The following XPNPEP1 variants were observed in gnomAD, a reference collection of about 807,000 sequenced individuals.
The protein encoded by XPNPEP1 is xaa-Pro aminopeptidase 1.
In XPNPEP1, 39 loss-of-function variants were observed where a neutral mutation model predicts 92.4. The ratio of observed to expected loss-of-function variants is 0.42; its 90% CI spans 0.33 to 0.55. The LOEUF (loss-of-function observed/expected upper bound fraction) is 0.55, where lower values mean the gene tolerates loss of function less well. XPNPEP1 is among the 20% of genes least tolerant of loss of function. The pLI is 0.08. For missense variants in XPNPEP1, 654 were observed against 856.1 expected (o/e 0.76, Z 2.95); for synonymous variants, 307 against 299.4 (o/e 1.03, Z -0.26).
chr10:109,879,609 T>C (rs1293282559), intron 12 of XPNPEP1, among the ~76,000 whole-genome samples: 4 of 152,036 alleles, frequency 2.6e-5, no homozygotes, highest in Non-Finnish European at 5.9e-5. Context: ...ATAATTTACA[T>C]AGATGAACAA....
chr10:109,871,594 C>G (rs926395979), intron 17 of XPNPEP1, among the ~76,000 whole-genome samples, 198 bp downstream of exon 17: 3 of 152,162 alleles, frequency 2.0e-5, no homozygotes, highest in African/African-American at 7.2e-5. Context: ...GTACTGGGCC[C>G]AATCCTAACC....
rs1199565179 is a variant in XPNPEP1, at chr10:109,923,506, A to C, written c.-73T>G. 2 of 1,240,898 alleles carry C rather than the reference A, an allele frequency of 1.6e-6. No homozygotes were observed. The highest frequency in any genetic ancestry group is 2.0e-6 in the Non-Finnish European group (2 of 989,534). The allele number at this position is 1,240,898 out of a possible 1,614,324, so 76.9% of individuals were successfully genotyped here. On this transcript the variant is annotated 5_prime_UTR_variant, in exon 1 of 21. Coordinates refer to ENST00000502935, the MANE Select transcript of XPNPEP1 (RefSeq NM_020383.4). ...GATCACCCGCGGAAGGGCCGGCGCGAAGGAGGCGCGAGAGCCGGCGGGCGG... is the reference window on the plus strand; with the variant it reads ...GATCACCCGCGGAAGGGCCGGCGCGCAGGAGGCGCGAGAGCCGGCGGGCGG...
In XPNPEP1 at chr10:109,864,864, G is replaced by T; in HGVS notation, c.*320C>A. ...CTAGCACCTGGAACATGACCATCAT[G>T]GAGCACTCACTGATTCCCCATCACT... On this transcript the variant is annotated 3_prime_UTR_variant, in exon 21 of 21. Coordinates refer to ENST00000502935, the MANE Select transcript of XPNPEP1 (RefSeq NM_020383.4). The T allele has an allele frequency of 2.8e-6, 1 of 359,774 alleles. No individual in the cohort carries two copies. 22.3% of individuals were successfully genotyped at this position (359,774 alleles called of 1,614,324 possible).
intron 4 of XPNPEP1, 27 bp from the exon 5 acceptor site, chr10:109,891,853 A>AG (rs1564771033): frequency 6.2e-7 from 1 of 1,607,502 alleles, no homozygotes; most frequent in Admixed American, 1.7e-5. Context: ...AAAAAAAAGA[A>AG]GAAGAAAGGT....
chr10:109,891,657 A>C lies in XPNPEP1; in HGVS notation c.415+65T>G, dbSNP rs1006921278. ...AAAGGATTAAGATCCAGGAGTCCTGAGGACCTCTAGGATCCCTGCCCAGAT... is the reference window on the plus strand; with the variant it reads ...AAAGGATTAAGATCCAGGAGTCCTGCGGACCTCTAGGATCCCTGCCCAGAT... On this transcript the variant is annotated intron_variant, in intron 5 of 20. Coordinates refer to ENST00000502935, the MANE Select transcript of XPNPEP1 (RefSeq NM_020383.4). 5.4e-6 allele frequency: 7 copies of C among 1,298,834 alleles called. No individual in the cohort carries two copies. The African/African-American group carries it at 1.1e-4, about 20-fold the overall frequency. The allele number at this position is 1,298,834 out of a possible 1,614,324, so 80.5% of individuals were successfully genotyped here. A position where few individuals can be genotyped will look rare whatever the true frequency, so the allele number is the denominator to read the frequency against.
chr10:109,903,722 T>C (rs911049658), intron 3 of XPNPEP1, among the ~76,000 whole-genome samples: 1 of 151,916 alleles, frequency 6.6e-6, no homozygotes, highest in East Asian at 1.9e-4. Flanking sequence ...AATGGGGGAG[T>C]GCCCAGCTCC....
chr10:109,865,927 C>G (rs558354915), intron 20 of XPNPEP1, among the ~76,000 whole-genome samples: 4 of 152,198 alleles, frequency 2.6e-5, no homozygotes, highest in African/African-American at 9.7e-5. Flanking sequence ...AAAGGAAGGA[C>G]CTGCTGGCAG....
At chr10:109,911,016 A>G (rs1254307325) in intron 2 of XPNPEP1, among the ~76,000 whole-genome samples, 1 of 152,198 alleles carries the variant, frequency 6.6e-6, no homozygotes, top group Non-Finnish European at 1.5e-5. Flanking sequence ...CATCACCAGC[A>G]CCTTAGGCTT....
chr10:109,901,678 T>C (rs188017985), intron 3 of XPNPEP1, among the ~76,000 whole-genome samples: 14 of 152,362 alleles, frequency 9.2e-5, no homozygotes, highest in Admixed American at 2.6e-4. Flanking sequence ...TTCACTTTAA[T>C]AAATTGAAAT....
At chr10:109,878,896 A>G (rs1564754121) in intron 12 of XPNPEP1, among the ~76,000 whole-genome samples, 1 of 151,686 alleles carries the variant, frequency 6.6e-6, no homozygotes, top group Admixed American at 6.6e-5. Flanking sequence ...AAAAAAAAAG[A>G]AAAAAAATTT....
chr10:109,918,850 AGGAAGGAG>A (rs751117580), intron 1 of XPNPEP1, among the ~76,000 whole-genome samples: 7,357 of 41,536 alleles, frequency 0.18, 242 homozygotes, highest in Non-Finnish European at 0.24. Flanking sequence ...GAAGGAAGGA[AGGAAGGAG>A]GGAAGGAAGG....
At chr10:109,872,754 T>C (rs1337099940) in intron 16 of XPNPEP1, among the ~76,000 whole-genome samples, 1 of 152,256 alleles carries the variant, frequency 6.6e-6, no homozygotes, top group African/African-American at 2.4e-5. Flanking sequence ...GCTGGGCTCA[T>C]GGGAATTCAC....
intron 2 of XPNPEP1, among the ~76,000 whole-genome samples, chr10:109,909,848 T>C (rs1005581819): frequency 6.6e-6 from 1 of 151,934 alleles, no homozygotes; most frequent in African/African-American, 2.4e-5. Context: ...AAATACAGAG[T>C]TCCCATGTAG....
At chr10:109,877,216 C>CA (rs1847833471) in intron 14 of XPNPEP1, 1 of 153,490 alleles carries the variant, frequency 6.5e-6, no homozygotes, top group Non-Finnish European at 1.4e-5. Context: ...GTAATTCCAG[C>CA]ACTTTAGGAG....
At chr10:109,881,008 C>G (rs1049453713) in intron 10 of XPNPEP1, 77 bp from the exon 11 acceptor site, 36 of 1,375,496 alleles carry the variant, frequency 2.6e-5, no homozygotes, top group Non-Finnish European at 3.4e-5. Context: ...CCTTTTTGCT[C>G]AGCAAAACTT....
At chr10:109,901,150 G>A (rs997492262) in intron 3 of XPNPEP1, among the ~76,000 whole-genome samples, 2 of 151,426 alleles carry the variant, frequency 1.3e-5, no homozygotes, top group Non-Finnish European at 2.9e-5. Flanking sequence ...GGATGAAGCT[G>A]GAAACCATCA....
intron 3 of XPNPEP1, among the ~76,000 whole-genome samples, chr10:109,898,506 C>G (rs939279114): frequency 6.6e-5 from 10 of 152,144 alleles, no homozygotes; most frequent in African/African-American, 2.2e-4. Flanking sequence ...ATCCATCAGA[C>G]CAAGCTCAGA....
chr10:109,872,342 C>G lies in XPNPEP1; in HGVS notation c.1453-481G>C, dbSNP rs540510049. On this transcript the variant is annotated intron_variant, in intron 16 of 20. Coordinates refer to ENST00000502935, the MANE Select transcript of XPNPEP1 (RefSeq NM_020383.4). ...TAAGTGGCAGCATCTGGCCTTGGAG[C>G]CAGGCACTCTTGCTTCAACAGCTGT... Among the ~76,000 whole-genome samples the G allele has an allele frequency of 5.5e-3, 841 of 152,314 alleles. 6 individuals are homozygous for G. The highest frequency in any genetic ancestry group is 6.8e-3 in the Non-Finnish European group (462 of 68,020).
chr10:109,886,415 C>G (rs1260320994), intron 7 of XPNPEP1, 74 bp from the exon 8 acceptor site: 2 of 1,359,370 alleles, frequency 1.5e-6, no homozygotes, highest in Non-Finnish European at 2.1e-6. Flanking sequence ...AAGAACCTAC[C>G]CTAAACATCT....
Sources: gnomAD v4.1 joint callset for allele counts (sites outside exome capture counted in the v4.1 genomes callset) on GRCh38, gnomAD v4.1.1 for gene constraint, MANE v1.5 for transcripts, NCBI Gene and HGNC (gene_info 2026-07-23, HGNC 2026-07-21) for gene names.